Variants in INPP4B observed in about 807,000 individuals in gnomAD.
The protein encoded by INPP4B is inositol polyphosphate-4-phosphatase type II B, also known as inositol polyphosphate 4-phosphatase type II.
In INPP4B, 55 loss-of-function variants were observed where a neutral mutation model predicts 122.5. The observed-to-expected ratio is 0.45, with a 90% CI of 0.36 to 0.56. INPP4B has a LOEUF of 0.56. Among genes scored for constraint, INPP4B ranks in the 20% least tolerant of loss-of-function variants. The probability of loss-of-function intolerance (pLI) is 0.00; values close to 1 mark genes in which losing one functional copy is unlikely to be tolerated. For synonymous variants in INPP4B, 403 were observed against 388.7 expected (o/e 1.04, Z -0.43); for missense variants, 1,000 against 1,097.7 (o/e 0.91, Z 1.26).
chr4:142,468,803 CTCT>C (rs1818292925), intron 2 of INPP4B, among the ~76,000 whole-genome samples: 2 of 152,066 alleles, frequency 1.3e-5, no homozygotes, highest in African/African-American at 4.8e-5. Flanking sequence ...CCAAATAAAC[CTCT>C]TTTCTTTATA....
chr4:142,568,989 T>A (rs1036935755), intron 2 of INPP4B, among the ~76,000 whole-genome samples: 2 of 152,138 alleles, frequency 1.3e-5, no homozygotes, highest in African/African-American at 2.4e-5. Flanking sequence ...AACTAAACAT[T>A]GTGATGTTTA....
At chr4:142,527,969 C>G (rs1303278766) in intron 2 of INPP4B, among the ~76,000 whole-genome samples, 1 of 151,756 alleles carries the variant, frequency 6.6e-6, no homozygotes, top group East Asian at 1.9e-4. Context: ...GCAATAGAAC[C>G]AAGATGTACT....
intron 16 of INPP4B, among the ~76,000 whole-genome samples, chr4:142,160,772 T>G (rs1475455701): frequency 2.0e-5 from 3 of 151,978 alleles, no homozygotes; most frequent in Non-Finnish European, 4.4e-5. Flanking sequence ...TGTTTTAAAG[T>G]TAATGCTGAG....
chr4:142,292,055 C>T (rs1357020019), intron 9 of INPP4B, among the ~76,000 whole-genome samples: 3 of 152,142 alleles, frequency 2.0e-5, no homozygotes, highest in African/African-American at 4.8e-5. Context: ...GATAACATCA[C>T]TCAAATACTA....
chr4:142,652,095 C>T (rs570895143), intron 2 of INPP4B, among the ~76,000 whole-genome samples: 69 of 152,212 alleles, frequency 4.5e-4, no homozygotes, highest in African/African-American at 1.5e-3. Flanking sequence ...TAATCCATCA[C>T]GTAAACAGAA....
At chr4:142,305,330 G>A (rs1762936853) in intron 9 of INPP4B, 128 bp downstream of exon 9, 1 of 680,426 alleles carries the variant, frequency 1.5e-6, no homozygotes, top group East Asian at 2.6e-5. Flanking sequence ...TGCTGCAGTG[G>A]AGAACATTAG....
At chr4:142,504,556 T>C (rs777341608) in intron 2 of INPP4B, among the ~76,000 whole-genome samples, 8 of 152,192 alleles carry the variant, frequency 5.3e-5, no homozygotes, top group Non-Finnish European at 7.4e-5. Context: ...TCTGTTCATT[T>C]GACCAAAAAT....
Position 142,491,932 on chromosome 4 carries a change from T to G in INPP4B, c.-190-29206A>C, listed in dbSNP as rs143624463. ...TTATACAATTTTAAAAATAGTAACT[T>G]GACATGGTTTGGCTGTGTCCCCACC... On this transcript the variant is annotated intron_variant, in intron 2 of 25. Transcript: ENST00000262992. Among the ~76,000 whole-genome samples the G allele has an allele frequency of 3.7e-3, 559 of 152,294 alleles. 1 individual carries two copies. Among genetic ancestry groups the G allele is most frequent in the Non-Finnish European group, 6.0e-3 (405 of 68,024 alleles).
chr4:142,649,157 A>G lies in INPP4B; in HGVS notation c.-191+76682T>C, dbSNP rs183417374. Among the ~76,000 whole-genome samples the G allele has an allele frequency of 1.2e-3, 184 of 152,326 alleles. No homozygotes were observed. In the Middle Eastern group the frequency reaches 0.017, roughly 14 times the overall value. ...ACTGTTCGAAGGAAAACTAACAAAC[A>G]GAAAGGAATAGTACCAACATCAACA... is the stretch of plus-strand genomic sequence containing the variant. On this transcript the variant is annotated intron_variant, in intron 2 of 25. Coordinates refer to ENST00000262992, the MANE Select transcript of INPP4B (RefSeq NM_001101669.3).
At chr4:142,596,411 A>G (rs562145099) in intron 2 of INPP4B, among the ~76,000 whole-genome samples, 1 of 152,236 alleles carries the variant, frequency 6.6e-6, no homozygotes, top group South Asian at 2.1e-4. Context: ...GAAGCTCAGA[A>G]TGAAGCCTTC....
Position 142,792,813 on chromosome 4 carries a change from C to T in INPP4B, c.-254+53396G>A, listed in dbSNP as rs547278969. On this transcript the variant is annotated intron_variant, in intron 1 of 25. Coordinates refer to ENST00000262992, the MANE Select transcript of INPP4B (RefSeq NM_001101669.3). The stretch of plus-strand genomic sequence containing the variant: ...AAAACAATACCAAACTTAATTCAAA[C>T]GCCGCTCTTTCAAAATTGAAAATGA... Among the ~76,000 whole-genome samples, 92 of 152,178 alleles carry T rather than the reference C, an allele frequency of 6.0e-4. 1 individual carries two copies. Among genetic ancestry groups the T allele is most frequent in the Middle Eastern group, 3.4e-3 (1 of 294 alleles).
chr4:142,201,386 G>A (rs75545590), intron 14 of INPP4B, among the ~76,000 whole-genome samples: 4,547 of 152,100 alleles, frequency 0.03, 213 homozygotes, highest in African/African-American at 0.1. Context: ...TTCTATGAAA[G>A]TTGCAAATTT....
chr4:142,123,214 G>A (rs1419530999), intron 20 of INPP4B, 78 bp downstream of exon 20: 41 of 1,230,212 alleles, frequency 3.3e-5, no homozygotes, highest in Non-Finnish European at 4.2e-5. Context: ...TTATTTTTAT[G>A]TTTTCTTGAA....
chr4:142,489,560 AT>A (rs767412447), intron 2 of INPP4B, among the ~76,000 whole-genome samples: 2 of 152,124 alleles, frequency 1.3e-5, no homozygotes, highest in South Asian at 2.1e-4. Context: ...CGCTCTGCTA[AT>A]TTTTTGTATT....
intron 25 of INPP4B, among the ~76,000 whole-genome samples, chr4:142,063,063 G>C (rs1207599748): frequency 6.6e-6 from 1 of 152,150 alleles, no homozygotes; most frequent in Admixed American, 6.5e-5. Context: ...AGATGCCAAA[G>C]CCTTCTTTTA....
rs189662493 is a variant in INPP4B, at chr4:142,661,699, C to A, written c.-191+64140G>T. Among the ~76,000 whole-genome samples, 17 of 152,324 alleles carry A rather than the reference C, an allele frequency of 1.1e-4. 1 individual carries two copies. Among genetic ancestry groups the A allele is most frequent in the African/African-American group, 3.1e-4 (13 of 41,570 alleles). ...AAGGATGACTATTTAAAACAGAAAT[C>A]TTTCAACCTCATTCAGATATAGTGC... On this transcript the variant is annotated intron_variant, in intron 2 of 25. Coordinates refer to ENST00000262992, the MANE Select transcript of INPP4B (RefSeq NM_001101669.3).
At chr4:142,773,945 T>C (rs1391380896) in intron 1 of INPP4B, among the ~76,000 whole-genome samples, 1 of 152,066 alleles carries the variant, frequency 6.6e-6, no homozygotes, top group Non-Finnish European at 1.5e-5. Flanking sequence ...TCAAGCATCA[T>C]TTTACCAGAT....
At chr4:142,154,321 C>T (rs1227491961) in intron 17 of INPP4B, among the ~76,000 whole-genome samples, 1 of 152,108 alleles carries the variant, frequency 6.6e-6, no homozygotes, top group Non-Finnish European at 1.5e-5. Context: ...TTGTAATCTG[C>T]ACATTAATAA....
chr4:142,332,277 T>C (rs1774812761), intron 7 of INPP4B, among the ~76,000 whole-genome samples: 1 of 152,178 alleles, frequency 6.6e-6, no homozygotes, highest in Admixed American at 6.5e-5. Flanking sequence ...AATGAGACCC[T>C]TTATTCTTGG....
Sources: allele counts gnomAD v4.1 joint callset (sites outside exome capture counted in the v4.1 genomes callset), GRCh38; gene constraint gnomAD v4.1.1; transcripts MANE v1.5; gene names NCBI Gene and HGNC (gene_info 2026-07-23, HGNC 2026-07-21).